OXR1: variants seen among roughly 807,000 people sequenced by gnomAD.
OXR1 encodes the protein oxidation resistance 1, also known as oxidation resistance protein 1.
OXR1 carries 41 observed loss-of-function variants against 104.6 expected under a neutral mutation model. The ratio of observed to expected loss-of-function variants is 0.39; its 90% CI spans 0.31 to 0.51. The LOEUF (loss-of-function observed/expected upper bound fraction) is 0.51. Ranked by LOEUF, OXR1 falls within the 20% of genes least tolerant of loss-of-function variation. OXR1 has a pLI of 0.77. For synonymous variants in OXR1, 348 were observed against 348.4 expected, an observed-to-expected ratio of 1.00 and a Z score of 0.01; for missense variants, 955 against 1,031.9, an observed-to-expected ratio of 0.93 and a Z score of 1.02.
intron 2 of OXR1, among the ~76,000 whole-genome samples, chr8:106,361,041 T>C (rs978853984): frequency 6.6e-6 from 1 of 152,190 alleles, no homozygotes; most frequent in Admixed American, 6.5e-5. Flanking sequence ...ATGCTTCTAT[T>C]AACTGCTTTG....
At chr8:106,651,652 T>C (rs988694470) in intron 3 of OXR1, among the ~76,000 whole-genome samples, 1 of 152,180 alleles carries the variant, frequency 6.6e-6, no homozygotes, top group African/African-American at 2.4e-5. Flanking sequence ...CTACGGTTTT[T>C]GATTACTGTA....
At chr8:106,662,055 G>A (rs1825817774) in intron 3 of OXR1, among the ~76,000 whole-genome samples, 1 of 152,208 alleles carries the variant, frequency 6.6e-6, no homozygotes, top group South Asian at 2.1e-4. Context: ...AGCAGTAGTA[G>A]CAGCAGTGAT....
intron 3 of OXR1, among the ~76,000 whole-genome samples, chr8:106,552,692 A>G (rs1194658896): frequency 2.0e-5 from 3 of 152,236 alleles, no homozygotes; most frequent in Non-Finnish European, 4.4e-5. Context: ...TAACTCTTGC[A>G]TTTGCAAAAG....
intron 3 of OXR1, among the ~76,000 whole-genome samples, chr8:106,632,904 A>G (rs1184217974): frequency 1.3e-5 from 2 of 152,040 alleles, no homozygotes; most frequent in Non-Finnish European, 2.9e-5. Flanking sequence ...ACACCACTGC[A>G]CTCCAGCCTG....
chr8:106,449,334 C>T (rs1820190410), intron 2 of OXR1, among the ~76,000 whole-genome samples: 1 of 152,098 alleles, frequency 6.6e-6, no homozygotes, highest in Non-Finnish European at 1.5e-5. Flanking sequence ...CAGCTAGCTA[C>T]ATAGAATATG....
intron 2 of OXR1, among the ~76,000 whole-genome samples, chr8:106,489,210 A>G (rs533449173): frequency 9.3e-5 from 14 of 150,946 alleles, no homozygotes; most frequent in Non-Finnish European, 2.1e-4. Context: ...TTCACTCATG[A>G]TTTGGCTCTC....
At position 106,572,621 on chromosome 8, in the gene OXR1, A is replaced by G. The variant is rs536898767; in HGVS notation, c.220+53482A>G. Among the ~76,000 whole-genome samples, 64 of 152,274 alleles carry G rather than the reference A, an allele frequency of 4.2e-4. 1 individual carries two copies. The highest frequency in any genetic ancestry group is 6.8e-3 in the Middle Eastern group (2 of 294). ...TCACATGCAAGTTCTAACTTTCACA[A>G]AACCCTAGAACAAAATTCAGCCAAG... is the stretch of plus-strand genomic sequence containing the variant. On this transcript the variant is annotated intron_variant, in intron 3 of 16. Transcript: ENST00000517566.
chr8:106,370,532 G>A (rs1816661110), intron 2 of OXR1, among the ~76,000 whole-genome samples: 1 of 151,988 alleles, frequency 6.6e-6, no homozygotes, highest in Non-Finnish European at 1.5e-5. Context: ...ATTTTATGTG[G>A]GTTTGTCATA....
intron 2 of OXR1, among the ~76,000 whole-genome samples, chr8:106,464,797 G>A (rs919545435): frequency 5.9e-5 from 9 of 151,868 alleles, no homozygotes; most frequent in East Asian, 1.9e-4. Context: ...AGCATATCTC[G>A]GGCTTCATTA....
chr8:106,382,727 G>GTCA (rs373268834), intron 2 of OXR1, among the ~76,000 whole-genome samples: 6 of 140,204 alleles, frequency 4.3e-5, no homozygotes, highest in African/African-American at 1.6e-4. Context: ...AGAGAAGTTA[G>GTCA]GGGGACAGGG....
intron 9 of OXR1, chr8:106,707,451 CT>C (rs1184730252): frequency 1.8e-5 from 9 of 513,682 alleles, no homozygotes; most frequent in Middle Eastern, 4.9e-4. Flanking sequence ...TGTATAATAC[CT>C]TTGATCACTC....
Position 106,668,791 on chromosome 8 carries a change from T to C in OXR1, c.221-10419T>C, listed in dbSNP as rs537374038. On this transcript the variant is annotated intron_variant, in intron 3 of 16. Coordinates refer to ENST00000517566, the MANE Select transcript of OXR1 (RefSeq NM_001198533.2). ...CTGCTGGTGTTAACTGTCACAAATA[T>C]GAAGTTATGTAGGGAAGCCCATTTC... Among the ~76,000 whole-genome samples, 4 of 152,350 alleles carry C rather than the reference T, an allele frequency of 2.6e-5. No individual in the cohort carries two copies. In the South Asian group the frequency reaches 8.3e-4, roughly 32 times the overall value.
intron 3 of OXR1, among the ~76,000 whole-genome samples, chr8:106,616,191 G>A (rs973452737): frequency 5.4e-5 from 8 of 147,840 alleles, no homozygotes; most frequent in Admixed American, 1.4e-4. Context: ...ACAGGTGCCC[G>A]CCACCATGCC....
chr8:106,332,798 T>C (rs1814776898), intron 1 of OXR1, among the ~76,000 whole-genome samples: 1 of 152,150 alleles, frequency 6.6e-6, no homozygotes, highest in African/African-American at 2.4e-5. Flanking sequence ...TTCTAGCCCC[T>C]GGACACCATA....
chr8:106,750,731 G>A, intron 16 of OXR1, 75 bp from the exon 17 acceptor site: 4 of 999,524 alleles, frequency 4.0e-6, no homozygotes, highest in Non-Finnish European at 4.5e-6. Flanking sequence ...GGGTTGTTAG[G>A]TATTCAAAGT....
intron 3 of OXR1, among the ~76,000 whole-genome samples, chr8:106,602,238 AT>A (rs1162887472): frequency 6.6e-6 from 1 of 152,204 alleles, no homozygotes; most frequent in Non-Finnish European, 1.5e-5. Flanking sequence ...ATTTATAGTA[AT>A]TGTTGCACAG....
At chr8:106,470,573 T>C (rs763451752) in intron 2 of OXR1, among the ~76,000 whole-genome samples, 17 of 151,708 alleles carry the variant, frequency 1.1e-4, no homozygotes, top group Non-Finnish European at 2.4e-4. Flanking sequence ...GAGATGCCAA[T>C]AGGTTTTTGA....
At position 106,706,558 on chromosome 8, in the gene OXR1, C is replaced by G; in HGVS notation, c.1037C>G (p.Pro346Arg). The change falls in exon 9 of 17, where the codon CCT (proline) becomes CGT (arginine). Residue 346 changes from proline (P) to arginine (R), a missense_variant. Pro to Arg is a moderately radical substitution (Grantham distance 103). Coordinates refer to ENST00000517566, the MANE Select transcript of OXR1 (RefSeq NM_001198533.2). ...EDVFTESELS[P>R]IREELVSSDE... is the part of the protein sequence containing the mutation. ...GTGTTCACAGAATCAGAACTTTCCC[C>G]TATACGAGAGGAGCTTGTATCTTCA... The G allele has an allele frequency of 1.2e-6, 2 of 1,610,992 alleles. No homozygotes were observed. The highest frequency in any genetic ancestry group is 1.7e-6 in the Non-Finnish European group (2 of 1,179,264).
rs548659354 is a variant in OXR1 at position 106,568,568 on chromosome 8, G to C, written c.220+49429G>C. Reference sequence around the variant, plus strand: ...AGTAAAAAGAATGATGGCAGCTCTTGAAGAGAGTTGTCCCTCCTGCTGTTC... The same window carrying C: ...AGTAAAAAGAATGATGGCAGCTCTTCAAGAGAGTTGTCCCTCCTGCTGTTC... On this transcript the variant is annotated intron_variant, in intron 3 of 16. Coordinates refer to ENST00000517566, the MANE Select transcript of OXR1 (RefSeq NM_001198533.2). Among the ~76,000 whole-genome samples the C allele has an allele frequency of 1.2e-4, 19 of 152,196 alleles. No homozygotes were observed. In the East Asian group the frequency reaches 3.1e-3, roughly 25 times the overall value.
Sources: gnomAD v4.1 joint callset for allele counts (sites outside exome capture counted in the v4.1 genomes callset) on GRCh38, gnomAD v4.1.1 for gene constraint, MANE v1.5 for transcripts, NCBI Gene and HGNC (gene_info 2026-07-23, HGNC 2026-07-21) for gene names.